Variants in GSG1L observed in about 807,000 individuals in gnomAD.
GSG1L encodes the protein germ cell-specific gene 1-like protein.
Under a neutral mutation model 42.1 loss-of-function variants are expected in GSG1L, and 24 were observed. The ratio of observed to expected loss-of-function variants is 0.57; its 90% confidence interval spans 0.41 to 0.80. The LOEUF is 0.80. Among genes scored for constraint, GSG1L ranks in the 30% least tolerant of loss-of-function variants. The probability of loss-of-function intolerance (pLI) is 0.00; values close to 1 mark genes in which losing one functional copy is unlikely to be tolerated. For synonymous variants in GSG1L, 215 were observed against 203.5 expected (o/e 1.06, Z -0.48); for missense variants, 445 against 472.2 (o/e 0.94, Z 0.53).
At chr16:27,794,794 C>T (rs1410334771) in intron 6 of GSG1L, among the ~76,000 whole-genome samples, 3 of 152,178 alleles carry the variant, frequency 2.0e-5, no homozygotes, top group Non-Finnish European at 2.9e-5. Flanking sequence ...CCTGTGTCTT[C>T]GTTCCATGAT....
intron 4 of GSG1L, among the ~76,000 whole-genome samples, chr16:27,830,607 G>A (rs1318574661): frequency 6.6e-6 from 1 of 152,160 alleles, no homozygotes; most frequent in Non-Finnish European, 1.5e-5. Context: ...GACAGTTTTA[G>A]GATATCAGCC....
chr16:27,937,596 G>A (rs2084733157), intron 2 of GSG1L, among the ~76,000 whole-genome samples: 3 of 152,216 alleles, frequency 2.0e-5, no homozygotes, highest in Admixed American at 1.3e-4. Flanking sequence ...CTGCCAATCA[G>A]CAATCTTTCA....
chr16:27,949,237 T>C (rs1168852109), intron 2 of GSG1L, among the ~76,000 whole-genome samples: 2 of 152,126 alleles, frequency 1.3e-5, no homozygotes, highest in Admixed American at 6.6e-5. Context: ...TTATTATTAA[T>C]TTGAAAGCAT....
chr16:27,982,418 C>T (rs1368969176), intron 1 of GSG1L, among the ~76,000 whole-genome samples: 1 of 152,108 alleles, frequency 6.6e-6, no homozygotes, highest in African/African-American at 2.4e-5. Context: ...CTAGTTCCTG[C>T]CAATATGATG....
At chr16:28,024,331 C>T (rs952923100) in intron 1 of GSG1L, among the ~76,000 whole-genome samples, 1 of 152,326 alleles carries the variant, frequency 6.6e-6, no homozygotes, top group African/African-American at 2.4e-5. Flanking sequence ...GAAATGGAAT[C>T]GACAAGGTGC....
chr16:27,842,278 G>A (rs1438121236), intron 4 of GSG1L, among the ~76,000 whole-genome samples: 4 of 152,228 alleles, frequency 2.6e-5, no homozygotes, highest in African/African-American at 4.8e-5. Flanking sequence ...CACACCATGT[G>A]TGGAACATCA....
intron 1 of GSG1L, among the ~76,000 whole-genome samples, chr16:27,964,340 T>G (rs1374896593): frequency 6.8e-6 from 1 of 147,826 alleles, no homozygotes; most frequent in East Asian, 2.0e-4. Flanking sequence ...AAAAAAAAAA[T>G]GTGCATATCA....
intron 2 of GSG1L, among the ~76,000 whole-genome samples, chr16:27,961,101 A>G (rs1468451763): frequency 1.3e-5 from 2 of 152,222 alleles, no homozygotes; most frequent in Non-Finnish European, 2.9e-5. Flanking sequence ...TGCTCACCCT[A>G]GAACACACCT....
At chr16:27,976,203 A>T (rs2085248846) in intron 1 of GSG1L, among the ~76,000 whole-genome samples, 1 of 152,142 alleles carries the variant, frequency 6.6e-6, no homozygotes, top group African/African-American at 2.4e-5. Flanking sequence ...TGAACCCAGG[A>T]GGTGGAGGTT....
chr16:27,920,906 G>A (rs72784106), intron 2 of GSG1L, among the ~76,000 whole-genome samples: 47 of 152,186 alleles, frequency 3.1e-4, no homozygotes, highest in African/African-American at 9.9e-4. Context: ...ATGTTTAGTC[G>A]TGGGGAATAA....
In GSG1L at chr16:27,789,477, T is replaced by G. The variant is rs983905872; in HGVS notation, c.*1893A>C. ...GGATAAAGGATGGATGGATGATGGA[T>G]AGATGGATGAATGGATAGATAGTGG... On this transcript the variant is annotated 3_prime_UTR_variant, in exon 7 of 7. Coordinates refer to ENST00000447459, the MANE Select transcript of GSG1L (RefSeq NM_001109763.2). 1 of 151,052 alleles carries G rather than the reference T, an allele frequency of 6.6e-6. No homozygotes were observed. Among genetic ancestry groups the G allele is most frequent in the Non-Finnish European group, 1.5e-5 (1 of 67,778 alleles). The allele number at this position is 151,052 out of a possible 1,614,324, so 9.4% of individuals were successfully genotyped here.
At chr16:27,889,888 C>T (rs1055375200) in intron 2 of GSG1L, among the ~76,000 whole-genome samples, 2 of 152,144 alleles carry the variant, frequency 1.3e-5, no homozygotes, top group African/African-American at 2.4e-5. Context: ...ATTATATCCC[C>T]GAATCTTCCT....
At chr16:27,888,475 T>TTC in intron 2 of GSG1L, among the ~76,000 whole-genome samples, 1 of 73,384 alleles carries the variant, frequency 1.4e-5, no homozygotes, top group African/African-American at 4.2e-5. Flanking sequence ...TCTCTCTCTC[T>TTC]CTCTTTCCTT....
intron 6 of GSG1L, among the ~76,000 whole-genome samples, chr16:27,797,178 G>A (rs1277013787): frequency 6.6e-6 from 1 of 152,164 alleles, no homozygotes; most frequent in East Asian, 1.9e-4. Flanking sequence ...CACTCCAAAG[G>A]TTGGGCTCTC....
intron 5 of GSG1L, among the ~76,000 whole-genome samples, chr16:27,821,107 C>T (rs927270271): frequency 2.0e-5 from 3 of 152,162 alleles, no homozygotes; most frequent in African/African-American, 7.2e-5. Context: ...ACTGGCCCCT[C>T]CTGCCTGAAG....
At chr16:27,894,354 G>A (rs1275798496) in intron 2 of GSG1L, among the ~76,000 whole-genome samples, 1 of 152,202 alleles carries the variant, frequency 6.6e-6, no homozygotes, top group Non-Finnish European at 1.5e-5. Flanking sequence ...TTAGGAAACC[G>A]GAACAAGTGC....
At chr16:27,995,222 T>A (rs1055865207) in intron 1 of GSG1L, among the ~76,000 whole-genome samples, 1 of 152,064 alleles carries the variant, frequency 6.6e-6, no homozygotes, top group African/African-American at 2.4e-5. Flanking sequence ...CACGTTCAAG[T>A]GTAAAGGCAG....
chr16:27,815,859 C>A (rs184372096), intron 5 of GSG1L, among the ~76,000 whole-genome samples: 1 of 152,286 alleles, frequency 6.6e-6, no homozygotes, highest in Admixed American at 6.5e-5. Flanking sequence ...CCTGTAGTCC[C>A]AACTACTCGG....
chr16:27,944,430 T>G (rs2084840044), intron 2 of GSG1L, among the ~76,000 whole-genome samples: 1 of 152,018 alleles, frequency 6.6e-6, no homozygotes, highest in South Asian at 2.1e-4. Flanking sequence ...GAGACCAGCC[T>G]GGCCAACACG....
Sources: gnomAD v4.1 joint callset for allele counts (sites outside exome capture counted in the v4.1 genomes callset) on GRCh38, gnomAD v4.1.1 for gene constraint, MANE v1.5 for transcripts, NCBI Gene and HGNC (gene_info 2026-07-23, HGNC 2026-07-21) for gene names.